Variants in KCNIP4 observed in about 807,000 individuals in gnomAD.
The protein encoded by KCNIP4 is Kv channel-interacting protein 4.
In KCNIP4, 12 loss-of-function variants were observed where a neutral mutation model predicts 34.0. The observed-to-expected ratio is 0.35, with a 90% CI of 0.23 to 0.57. The LOEUF is 0.57. Ranked by LOEUF, KCNIP4 falls within the 20% of genes least tolerant of loss-of-function variation. The pLI is 0.83. For synonymous variants in KCNIP4, 124 were observed against 102.2 expected, an observed-to-expected ratio of 1.21 and a Z score of -1.29; for missense variants, 238 against 311.7, an observed-to-expected ratio of 0.76 and a Z score of 1.78.
At chr4:21,293,515 A>C (rs2109215903) in intron 1 of KCNIP4, among the ~76,000 whole-genome samples, 2 of 152,268 alleles carry the variant, frequency 1.3e-5, no homozygotes, top group Non-Finnish European at 2.9e-5. Flanking sequence ...AAATAATCCC[A>C]TCCTAATTGT....
At chr4:21,206,804 A>T (rs1756881980) in intron 1 of KCNIP4, among the ~76,000 whole-genome samples, 1 of 152,232 alleles carries the variant, frequency 6.6e-6, no homozygotes, top group Non-Finnish European at 1.5e-5. Flanking sequence ...GAAGTTAAGC[A>T]ATATTCCCAA....
intron 1 of KCNIP4, among the ~76,000 whole-genome samples, chr4:21,470,640 G>A (rs1730380453): frequency 6.6e-6 from 1 of 152,088 alleles, no homozygotes; most frequent in Non-Finnish European, 1.5e-5. Context: ...TGGCAGGAGA[G>A]ATGAAGAAGC....
intron 3 of KCNIP4, among the ~76,000 whole-genome samples, chr4:20,769,072 CA>C (rs5856579): frequency 0.32 from 32,334 of 99,598 alleles, 3,511 homozygotes; most frequent in African/African-American, 0.43. Flanking sequence ...GATTTACAGC[CA>C]AAAAAAAAAA....
At chr4:21,298,481 A>G (rs376618400) in intron 1 of KCNIP4, among the ~76,000 whole-genome samples, 10 of 152,216 alleles carry the variant, frequency 6.6e-5, no homozygotes, top group African/African-American at 2.4e-4. Context: ...TCAAGGTCTC[A>G]CTTTTTCTCA....
chr4:20,972,929 G>A (rs1277100993), intron 1 of KCNIP4, among the ~76,000 whole-genome samples: 1 of 152,206 alleles, frequency 6.6e-6, no homozygotes, highest in Non-Finnish European at 1.5e-5. Context: ...ACAATCTCAT[G>A]ATCAAACTAG....
chr4:21,076,597 T>C (rs7695878), intron 1 of KCNIP4, among the ~76,000 whole-genome samples: 25,214 of 152,094 alleles, frequency 0.17, 2,148 homozygotes, highest in African/African-American at 0.2. Context: ...CTAGGTTCAT[T>C]GTAACTCTTC....
intron 1 of KCNIP4, among the ~76,000 whole-genome samples, chr4:21,919,841 A>C (rs180994189): frequency 6.6e-6 from 1 of 152,118 alleles, no homozygotes; most frequent in Non-Finnish European, 1.5e-5. Flanking sequence ...AGGATAAAAA[A>C]CTCACATGCT....
chr4:21,393,060 T>A (rs1260320930), intron 1 of KCNIP4, among the ~76,000 whole-genome samples: 1 of 152,174 alleles, frequency 6.6e-6, no homozygotes, highest in Non-Finnish European at 1.5e-5. Flanking sequence ...GAATCAAATT[T>A]GTTGTGATGA....
chr4:20,899,268 A>G (rs534713604), intron 1 of KCNIP4, among the ~76,000 whole-genome samples: 2 of 152,324 alleles, frequency 1.3e-5, no homozygotes, highest in East Asian at 1.9e-4. Context: ...CAACAAATCA[A>G]TGTCCCTAAG....
At chr4:21,921,403 A>C (rs541512088) in intron 1 of KCNIP4, among the ~76,000 whole-genome samples, 1 of 152,308 alleles carries the variant, frequency 6.6e-6, no homozygotes, top group South Asian at 2.1e-4. Context: ...AAGAAAATAT[A>C]CATTACAAGG....
chr4:20,879,703 G>A (rs760376739), intron 2 of KCNIP4, among the ~76,000 whole-genome samples: 14 of 152,166 alleles, frequency 9.2e-5, no homozygotes, highest in Admixed American at 7.2e-4. Flanking sequence ...ATATAATTTC[G>A]AAGTATTAAG....
At chr4:21,759,180 T>C (rs567230854) in intron 1 of KCNIP4, among the ~76,000 whole-genome samples, 3 of 152,318 alleles carry the variant, frequency 2.0e-5, no homozygotes, top group South Asian at 4.1e-4. Context: ...AGAACAATTA[T>C]GTGAACCATT....
At chr4:21,833,851 C>G (rs1314712874) in intron 1 of KCNIP4, among the ~76,000 whole-genome samples, 1 of 152,136 alleles carries the variant, frequency 6.6e-6, no homozygotes, top group African/African-American at 2.4e-5. Flanking sequence ...AATAGGGAAT[C>G]CTTTCCCCAT....
intron 1 of KCNIP4, chr4:21,613,207 T>TA (rs1744303887): frequency 6.6e-6 from 1 of 152,236 alleles, no homozygotes; most frequent in Non-Finnish European, 1.5e-5. Context: ...GACAGCCTAC[T>TA]ACCACATTCA....
chr4:21,810,870 G>A (rs1374798643), intron 1 of KCNIP4, among the ~76,000 whole-genome samples: 1 of 152,146 alleles, frequency 6.6e-6, no homozygotes, highest in Non-Finnish European at 1.5e-5. Flanking sequence ...AAACTCTTGA[G>A]TAACAGTCTG....
chr4:21,526,655 G>A (rs944641805), intron 1 of KCNIP4, among the ~76,000 whole-genome samples: 7 of 151,878 alleles, frequency 4.6e-5, no homozygotes, highest in African/African-American at 1.7e-4. Flanking sequence ...TGCACCACAA[G>A]GAACACAAGT....
intron 1 of KCNIP4, among the ~76,000 whole-genome samples, chr4:20,883,565 T>TA (rs1277004855): frequency 2.0e-5 from 3 of 152,212 alleles, no homozygotes; most frequent in African/African-American, 7.2e-5. Flanking sequence ...GATGTCATGT[T>TA]AATAGGTAAC....
intron 1 of KCNIP4, among the ~76,000 whole-genome samples, chr4:21,876,060 A>AT (rs1726091518): frequency 6.6e-6 from 1 of 152,172 alleles, no homozygotes; most frequent in South Asian, 2.1e-4. Context: ...TCTCAAAACA[A>AT]TGCTTTCCAA....
intron 1 of KCNIP4, among the ~76,000 whole-genome samples, chr4:21,544,927 G>A (rs1738011299): frequency 6.6e-6 from 1 of 152,012 alleles, no homozygotes; most frequent in Admixed American, 6.6e-5. Flanking sequence ...GTTGTCGGAG[G>A]CATTTGAACT....
Sources: gnomAD v4.1 joint callset for allele counts (sites outside exome capture counted in the v4.1 genomes callset) on GRCh38, gnomAD v4.1.1 for gene constraint, MANE v1.5 for transcripts, NCBI Gene and HGNC (gene_info 2026-07-23, HGNC 2026-07-21) for gene names.